The following ASPRV1 variants were observed in gnomAD, a reference collection of about 807,000 sequenced individuals.
ASPRV1 encodes retroviral-like aspartic protease 1.
Under a neutral mutation model 11.0 loss-of-function variants are expected in ASPRV1, and 7 were observed. The observed-to-expected ratio is 0.64, with a 90% CI of 0.36 to 1.20. The LOEUF (loss-of-function observed/expected upper bound fraction) is 1.20, where lower values mean the gene tolerates loss of function less well. Ranked by LOEUF, ASPRV1 falls within the 50% of genes most tolerant of loss-of-function variation. The pLI, the probability that ASPRV1 is intolerant of heterozygous loss-of-function variation, is 0.02. For missense variants in ASPRV1, 299 were observed against 320.0 expected, an observed-to-expected ratio of 0.93 and a Z score of 0.50; for synonymous variants, 136 against 138.4, an observed-to-expected ratio of 0.98 and a Z score of 0.12.
the ASPRV1 span, chr2:70,060,023 G>C: frequency 2.6e-5 from 4 of 152,136 alleles, no homozygotes; most frequent in Admixed American, 6.6e-5. Context: ...TCCTACACAG[G>C]TAAAATCACA....
At chr2:69,990,874 C>T in the ASPRV1 span, among the ~76,000 whole-genome samples, 1 of 152,172 alleles carries the variant, frequency 6.6e-6, no homozygotes, top group Non-Finnish European at 1.5e-5. Context: ...GGGCCACCTT[C>T]ATACGCAGCC....
the ASPRV1 span, among the ~76,000 whole-genome samples, chr2:69,969,601 A>C: frequency 6.7e-6 from 1 of 149,812 alleles, no homozygotes; most frequent in African/African-American, 2.5e-5. Flanking sequence ...CATTCCACAC[A>C]CTCTCCAGGC....
chr2:70,043,360 G>A, the ASPRV1 span, among the ~76,000 whole-genome samples: 5 of 152,226 alleles, frequency 3.3e-5, no homozygotes, highest in Middle Eastern at 3.4e-3. Context: ...GGAAGTTGCA[G>A]TGAGCCAAGA....
the ASPRV1 span, among the ~76,000 whole-genome samples, chr2:70,001,466 A>G: frequency 6.6e-6 from 1 of 151,956 alleles, no homozygotes; most frequent in Admixed American, 6.6e-5. Flanking sequence ...GGGGATCAAA[A>G]TAAGGATGTG....
At chr2:70,086,916 G>C in the ASPRV1 span, 1 of 152,226 alleles carries the variant, frequency 6.6e-6, no homozygotes, top group Non-Finnish European at 1.5e-5. Context: ...TGGGGTGGGG[G>C]ATCCATGCAG....
At chr2:69,953,869 G>A in the ASPRV1 span, among the ~76,000 whole-genome samples, 8 of 140,128 alleles carry the variant, frequency 5.7e-5, no homozygotes, top group South Asian at 2.3e-4. Flanking sequence ...CACCATGCCC[G>A]GCTAATTTTT....
chr2:70,077,189 G>A, the ASPRV1 span: 1 of 152,088 alleles, frequency 6.6e-6, no homozygotes, highest in Non-Finnish European at 1.5e-5. Context: ...CATCAAAGCT[G>A]GCCATTACTA....
At chr2:70,009,531 T>C in the ASPRV1 span, among the ~76,000 whole-genome samples, 3 of 152,160 alleles carry the variant, frequency 2.0e-5, no homozygotes, top group African/African-American at 7.2e-5. Context: ...GGGTTTACCA[T>C]GTTGGCCAGG....
At chr2:69,964,647 G>T (rs775082819), upstream of ASPRV1, 7 of 220,644 alleles carry the variant, frequency 3.2e-5, no homozygotes, top group Non-Finnish European at 5.6e-5. Flanking sequence ...ATTGGGGCGG[G>T]ACACCCTCAT....
the ASPRV1 span, among the ~76,000 whole-genome samples, chr2:69,990,873 T>G: frequency 6.6e-6 from 1 of 152,096 alleles, no homozygotes; most frequent in Non-Finnish European, 1.5e-5. Flanking sequence ...CGGGCCACCT[T>G]CATACGCAGC....
chr2:70,007,482 C>G, the ASPRV1 span, among the ~76,000 whole-genome samples: 1 of 151,844 alleles, frequency 6.6e-6, no homozygotes, highest in Non-Finnish European at 1.5e-5. Context: ...CGCACCATTG[C>G]ACTCCGGCAT....
At chr2:70,044,012 T>C in the ASPRV1 span, among the ~76,000 whole-genome samples, 1 of 152,090 alleles carries the variant, frequency 6.6e-6, no homozygotes, top group South Asian at 2.1e-4. Context: ...AAGGCCTTTA[T>C]CTCAAACTCA....
the ASPRV1 span, chr2:69,937,265 C>T: frequency 6.2e-6 from 10 of 1,614,054 alleles, no homozygotes; most frequent in Admixed American, 5.0e-5. Context: ...AAAAGCCGTT[C>T]ACCAAATCGA....
chr2:70,017,735 A>T, the ASPRV1 span, among the ~76,000 whole-genome samples: 1,378 of 152,182 alleles, frequency 9.1e-3, 13 homozygotes, highest in Middle Eastern at 0.027. Flanking sequence ...GTATTTTTTT[A>T]AAAAAAAGAA....
At chr2:69,941,861 TATACACACACAC>T in the ASPRV1 span, 1 of 151,252 alleles carries the variant, frequency 6.6e-6, no homozygotes, top group African/African-American at 2.5e-5. Context: ...AGTATCTATA[TATACACACACAC>T]ACACACACAC....
the ASPRV1 span, among the ~76,000 whole-genome samples, chr2:69,994,737 C>T: frequency 1.0e-2 from 1,517 of 152,268 alleles, 15 homozygotes; most frequent in Non-Finnish European, 0.011. Flanking sequence ...GTGGCTTATG[C>T]CTGTAATCCC....
chr2:70,068,856 A>G, the ASPRV1 span, among the ~76,000 whole-genome samples: 3 of 150,938 alleles, frequency 2.0e-5, no homozygotes, highest in Non-Finnish European at 4.4e-5. Context: ...GAGGCAGGAG[A>G]ATCACTTGAA....
chr2:70,043,077 G>A, the ASPRV1 span, among the ~76,000 whole-genome samples: 10 of 152,150 alleles, frequency 6.6e-5, no homozygotes, highest in African/African-American at 2.2e-4. Context: ...AATCATAAAG[G>A]CAGTTAGAGA....
chr2:70,007,307 C>T, the ASPRV1 span, among the ~76,000 whole-genome samples: 3 of 152,038 alleles, frequency 2.0e-5, no homozygotes, highest in South Asian at 6.2e-4. Flanking sequence ...CACCTGAGGT[C>T]AGGAGTCCTA....
Sources: gnomAD v4.1 joint callset for allele counts (sites outside exome capture counted in the v4.1 genomes callset) on GRCh38, gnomAD v4.1.1 for gene constraint, MANE v1.5 for transcripts, NCBI Gene and HGNC (gene_info 2026-07-23, HGNC 2026-07-21) for gene names.